Variants in RASGRP3 observed in about 807,000 individuals in gnomAD.
RASGRP3 encodes the protein RAS guanyl releasing protein 3.
In RASGRP3, 54 loss-of-function variants were observed where a neutral mutation model predicts 82.7. The observed-to-expected ratio is 0.65, with a 90% CI of 0.52 to 0.82. The LOEUF is 0.82. Among genes scored for constraint, RASGRP3 ranks in the 40% least tolerant of loss-of-function variants. RASGRP3 has a pLI of 0.00. For synonymous variants in RASGRP3, 309 were observed against 300.5 expected, an observed-to-expected ratio of 1.03 and a Z score of -0.29; for missense variants, 861 against 828.9, an observed-to-expected ratio of 1.04 and a Z score of -0.48.
rs1677001714 is a variant in RASGRP3 at position 33,564,204 on chromosome 2, C to T, written c.*1467C>T. The T allele has an allele frequency of 6.6e-6, 1 of 152,150 alleles. No individual in the cohort carries two copies. Among genetic ancestry groups the T allele is most frequent in the South Asian group, 2.1e-4 (1 of 4,826 alleles). 9.4% of individuals were successfully genotyped at this position (152,150 alleles called of 1,614,324 possible). A position where few individuals can be genotyped will look rare whatever the true frequency, so the allele number is the denominator to read the frequency against. ...AGTTAAGAAAAACTTGGTCTTAGCCCTTGGGAGCTGACAGCCCATGGGCAT... is the reference window on the plus strand; with the variant it reads ...AGTTAAGAAAAACTTGGTCTTAGCCTTTGGGAGCTGACAGCCCATGGGCAT... On this transcript the variant is annotated 3_prime_UTR_variant, in exon 18 of 18. Transcript: ENST00000403687.
chr2:33,527,782 A>G lies in RASGRP3; in HGVS notation c.1083+370A>G, dbSNP rs182995013. Among the ~76,000 whole-genome samples the G allele has an allele frequency of 8.5e-5, 13 of 152,156 alleles. No homozygotes were observed. The East Asian group carries it at 2.3e-3, about 27-fold the overall frequency. ...ATCTGCTCCTCTTTATCCTCACTGC[A>G]CTGCTTTGGCTGAAGCCTGGAGTAA... On this transcript the variant is annotated intron_variant, in intron 10 of 17. Coordinates refer to ENST00000403687, the MANE Select transcript of RASGRP3 (RefSeq NM_001139488.2).
At chr2:33,450,807 TCTCTTTCTTTC>T (rs1665744073) in intron 2 of RASGRP3, among the ~76,000 whole-genome samples, 1 of 106,478 alleles carries the variant, frequency 9.4e-6, no homozygotes. Flanking sequence ...TCTTTCTTTT[TCTCTTTCTTTC>T]TTTCTTTTTT....
chr2:33,552,727 G>C (rs971606416), intron 14 of RASGRP3, among the ~76,000 whole-genome samples: 21 of 152,188 alleles, frequency 1.4e-4, no homozygotes, highest in Admixed American at 1.4e-3. Flanking sequence ...TTCCAGAACT[G>C]AAAGAGTGTT....
At chr2:33,519,253 CT>C (rs1671769305) in intron 4 of RASGRP3, among the ~76,000 whole-genome samples, 1 of 152,172 alleles carries the variant, frequency 6.6e-6, no homozygotes, top group African/African-American at 2.4e-5. Context: ...CCTTCATTGA[CT>C]GAAACGTTGT....
chr2:33,520,652 A>C lies in RASGRP3; in HGVS notation c.336A>C (p.Glu112Asp). Residue 112 changes from glutamate to aspartate, a missense_variant, in exon 6 of 18, where the codon GAA becomes GAC. Glu to Asp is a conservative substitution (Grantham distance 45, BLOSUM62 2). Coordinates refer to ENST00000403687, the MANE Select transcript of RASGRP3 (RefSeq NM_001139488.2). The stretch of plus-strand genomic sequence containing the variant: ...AAGTAGCTAGTCAACTAGGATATGA[A>C]AAACACGTCAGCCTCATCGACATAT... The part of the protein sequence containing the change: ...FREVASQLGY[E>D]KHVSLIDISS... 1 of 1,614,000 alleles carries C rather than the reference A, an allele frequency of 6.2e-7. No individual in the cohort carries two copies. The highest frequency in any genetic ancestry group is 8.5e-7 in the Non-Finnish European group (1 of 1,179,874).
chr2:33,545,873 C>T (rs986336093), intron 13 of RASGRP3, among the ~76,000 whole-genome samples: 6 of 152,136 alleles, frequency 3.9e-5, no homozygotes, highest in African/African-American at 1.4e-4. Context: ...GGCACAATCT[C>T]GGCTTATTGC....
chr2:33,476,813 CTT>C (rs1288952508), intron 1 of RASGRP3, 106 bp downstream of exon 1: 1 of 134,630 alleles, frequency 7.4e-6, no homozygotes, highest in Non-Finnish European at 1.5e-5. Context: ...CCACCAACAA[CTT>C]TTGATTTTGA....
At chr2:33,534,833 G>A (rs1216843191) in intron 11 of RASGRP3, among the ~76,000 whole-genome samples, 3 of 151,504 alleles carry the variant, frequency 2.0e-5, no homozygotes, top group South Asian at 2.1e-4. Context: ...GAGTCACCAC[G>A]CCCGGCCATT....
At chr2:33,513,886 C>A (rs984308256) in intron 2 of RASGRP3, 1 of 152,150 alleles carries the variant, frequency 6.6e-6, no homozygotes, top group Admixed American at 6.5e-5. Context: ...ATACCCTTTA[C>A]ACTAGATTAG....
intron 3 of RASGRP3, 74 bp from the exon 4 acceptor site, chr2:33,516,468 C>T (rs1671477743): frequency 1.8e-5 from 17 of 962,294 alleles, no homozygotes; most frequent in South Asian, 3.1e-5. Flanking sequence ...GACACTACTG[C>T]GTCTCTACTG....
At chr2:33,489,410 G>A (rs536655127) in intron 1 of RASGRP3, among the ~76,000 whole-genome samples, 1 of 152,286 alleles carries the variant, frequency 6.6e-6, no homozygotes, top group African/African-American at 2.4e-5. Flanking sequence ...CAGTCCTTCA[G>A]AATGAAAAGC....
rs1665383288 is a variant in RASGRP3, at chr2:33,444,194, T to C, written c.-384-3626T>C. Among the ~76,000 whole-genome samples, 3 of 152,038 alleles carry C rather than the reference T, an allele frequency of 2.0e-5. 1 individual carries two copies. Among genetic ancestry groups the C allele is most frequent in the Admixed American group, 2.0e-4 (3 of 15,256 alleles). On this transcript the variant is annotated intron_variant, in intron 1 of 18. Coordinates refer to the RASGRP3 transcript ENST00000402538. ...GGTGGTGCATGCCTGTAGTCCTAGC[T>C]ACTCAGGGGACTGAGGTGAGAGGAT... is the stretch of plus-strand genomic sequence containing the variant.
At chr2:33,532,257 C>G (rs984608989) in intron 10 of RASGRP3, 9 of 152,216 alleles carry the variant, frequency 5.9e-5, no homozygotes, top group Non-Finnish European at 7.3e-5. Flanking sequence ...TTTCTGGCTT[C>G]TCTTAACAAA....
intron 15 of RASGRP3, among the ~76,000 whole-genome samples, 151 bp downstream of exon 15, chr2:33,555,718 G>T (rs569870035): frequency 6.6e-6 from 1 of 152,290 alleles, no homozygotes; most frequent in African/African-American, 2.4e-5. Flanking sequence ...CTCTGAGGAG[G>T]AGTTTCTGGA....
chr2:33,546,057 G>T (rs1398139513), intron 13 of RASGRP3, among the ~76,000 whole-genome samples: 1 of 151,702 alleles, frequency 6.6e-6, no homozygotes, highest in Non-Finnish European at 1.5e-5. Flanking sequence ...TGATCCACCT[G>T]CCTTGGCCTC....
intron 1 of RASGRP3, among the ~76,000 whole-genome samples, chr2:33,444,603 C>T (rs190548164): frequency 6.6e-6 from 1 of 152,294 alleles, no homozygotes; most frequent in Non-Finnish European, 1.5e-5. Flanking sequence ...TGAGATATTG[C>T]TACCTTTTCT....
chr2:33,556,928 C>CAT lies in RASGRP3; in HGVS notation c.1580-1283_1580-1282insAT, dbSNP rs1553366467. On this transcript the variant is annotated intron_variant, in intron 15 of 17. Coordinates refer to ENST00000403687, the MANE Select transcript of RASGRP3 (RefSeq NM_001139488.2). ...ACACACACACACACACACACACACA[C>CAT]GCAATTTTATAAAGATGAAAATCTA... Among the ~76,000 whole-genome samples, 364 of 148,406 alleles carry CAT rather than the reference C, an allele frequency of 2.5e-3. 5 individuals are homozygous for CAT. Among genetic ancestry groups the CAT allele is most frequent in the African/African-American group, 8.4e-3 (334 of 39,744 alleles).
In RASGRP3 at chr2:33,519,343, G is replaced by A. The variant is rs542255462; in HGVS notation, c.174-609G>A. Reference sequence around the variant, plus strand: ...TTAAAATAGTGTTTCTCGGCCAGGCGCGGTGGCTCACACCTGTAATCCCAG... The same window carrying A: ...TTAAAATAGTGTTTCTCGGCCAGGCACGGTGGCTCACACCTGTAATCCCAG... On this transcript the variant is annotated intron_variant, in intron 4 of 17. Transcript: ENST00000403687. Among the ~76,000 whole-genome samples, 22 of 152,262 alleles carry A rather than the reference G, an allele frequency of 1.4e-4. No homozygotes were observed. In the East Asian group the frequency reaches 2.7e-3, roughly 19 times the overall value.
chr2:33,473,346 A>G (rs1199718568), upstream of RASGRP3, among the ~76,000 whole-genome samples: 1 of 151,926 alleles, frequency 6.6e-6, no homozygotes, highest in Non-Finnish European at 1.5e-5. Flanking sequence ...TCGCGCCACC[A>G]CACTCCAGCC....
Sources: gnomAD v4.1 joint callset for allele counts (sites outside exome capture counted in the v4.1 genomes callset) on GRCh38, gnomAD v4.1.1 for gene constraint, MANE v1.5 for transcripts, NCBI Gene and HGNC (gene_info 2026-07-23, HGNC 2026-07-21) for gene names.